TSPAN5: variants seen among roughly 807,000 people sequenced by gnomAD.
TSPAN5 encodes the protein tetraspanin-5.
A neutral mutation model predicts 37.1 loss-of-function variants in TSPAN5; 10 were observed. The observed-to-expected ratio is 0.27, with a 90% CI of 0.17 to 0.46. The LOEUF (loss-of-function observed/expected upper bound fraction) is 0.46. Among genes scored for constraint, TSPAN5 ranks in the 20% least tolerant of loss-of-function variants. The probability of loss-of-function intolerance (pLI) is 1.00; values close to 1 mark genes in which losing one functional copy is unlikely to be tolerated. For missense variants in TSPAN5, 195 were observed against 326.6 expected (o/e 0.60, Z 3.11); for synonymous variants, 110 against 118.9 (o/e 0.93, Z 0.48).
chr4:98,634,115 C>A (rs964456687), intron 1 of TSPAN5, among the ~76,000 whole-genome samples: 7 of 151,938 alleles, frequency 4.6e-5, no homozygotes, highest in South Asian at 2.1e-4. Flanking sequence ...AAAAAGTGAT[C>A]AATCACAATA....
chr4:98,598,464 C>T (rs142768386), intron 1 of TSPAN5, among the ~76,000 whole-genome samples: 7,919 of 149,020 alleles, frequency 0.053, 276 homozygotes, highest in Non-Finnish European at 0.078. Flanking sequence ...CTCCTCCCTC[C>T]TGTTTTTTTT....
chr4:98,569,418 C>T lies in TSPAN5; in HGVS notation c.82-61690G>A, dbSNP rs148766416. Among the ~76,000 whole-genome samples the T allele has an allele frequency of 2.2e-3, 339 of 152,262 alleles. 2 individuals carry two copies. Among genetic ancestry groups the T allele is most frequent in the Non-Finnish European group, 3.6e-3 (246 of 68,026 alleles). On this transcript the variant is annotated intron_variant, in intron 1 of 7. Transcript: ENST00000305798. ...AAGGATGTCCACTGGAACACACCGC[C>T]CTGCAGAACTCCTTGGGAAAACCCA...
At position 98,470,634 on chromosome 4, in the gene TSPAN5, T is replaced by C. The variant is rs954148537; in HGVS notation, c.*1888A>G. ...TCCATGTTGGAAGGACATTACAAAATGGCAACTGTGGTGGGGGCAGAGATG... is the reference window on the plus strand; with the variant it reads ...TCCATGTTGGAAGGACATTACAAAACGGCAACTGTGGTGGGGGCAGAGATG... On this transcript the variant is annotated 3_prime_UTR_variant, in exon 8 of 8. Coordinates refer to ENST00000305798, the MANE Select transcript of TSPAN5 (RefSeq NM_005723.4). 5 of 152,102 alleles carry C rather than the reference T, an allele frequency of 3.3e-5. No individual in the cohort carries two copies. The highest frequency in any genetic ancestry group is 1.3e-4 in the Admixed American group (2 of 15,272). 9.4% of individuals were successfully genotyped at this position (152,102 alleles called of 1,614,324 possible). A position where few individuals can be genotyped will look rare whatever the true frequency, so the allele number is the denominator to read the frequency against.
chr4:98,484,380 C>G (rs1752914793), intron 3 of TSPAN5: 1 of 451,234 alleles, frequency 2.2e-6, no homozygotes, highest in Admixed American at 2.4e-5. Context: ...TGGACGTTTA[C>G]TTACTACTTA....
intron 1 of TSPAN5, among the ~76,000 whole-genome samples, chr4:98,608,434 T>C (rs976492906): frequency 6.6e-6 from 1 of 151,896 alleles, no homozygotes; most frequent in Non-Finnish European, 1.5e-5. Flanking sequence ...TCCACTGGAG[T>C]CAATCACATG....
chr4:98,581,918 T>C (rs746954504), intron 1 of TSPAN5, among the ~76,000 whole-genome samples: 15 of 152,284 alleles, frequency 9.9e-5, no homozygotes, highest in Middle Eastern at 6.8e-3. Context: ...TTAAGCGTAC[T>C]CTTAAGAATG....
At chr4:98,636,974 T>C (rs922389120) in intron 1 of TSPAN5, among the ~76,000 whole-genome samples, 2 of 152,116 alleles carry the variant, frequency 1.3e-5, no homozygotes, top group African/African-American at 4.8e-5. Flanking sequence ...GTCTACAGGA[T>C]ACCAAAGCAC....
At chr4:98,532,102 C>T (rs1754107144) in intron 1 of TSPAN5, among the ~76,000 whole-genome samples, 1 of 152,134 alleles carries the variant, frequency 6.6e-6, no homozygotes, top group African/African-American at 2.4e-5. Flanking sequence ...GTTGCCATTG[C>T]TTTTAGTGTT....
intron 1 of TSPAN5, among the ~76,000 whole-genome samples, chr4:98,624,002 T>C (rs1020082040): frequency 3.9e-5 from 6 of 152,204 alleles, no homozygotes; most frequent in African/African-American, 9.6e-5. Flanking sequence ...TATAAATACC[T>C]TCTTTTGCTT....
intron 3 of TSPAN5, 79 bp downstream of exon 3, chr4:98,486,659 T>C: frequency 6.4e-7 from 1 of 1,551,658 alleles, no homozygotes; most frequent in Non-Finnish European, 8.9e-7. Flanking sequence ...GCTCACTGTC[T>C]TGCCTGTAGA....
intron 1 of TSPAN5, among the ~76,000 whole-genome samples, chr4:98,602,129 C>G (rs1045157218): frequency 6.6e-6 from 1 of 151,996 alleles, no homozygotes; most frequent in Non-Finnish European, 1.5e-5. Flanking sequence ...TATGGAATGT[C>G]GTGAGAATTA....
intron 1 of TSPAN5, among the ~76,000 whole-genome samples, chr4:98,519,674 T>C (rs568809178): frequency 6.6e-6 from 1 of 152,222 alleles, no homozygotes; most frequent in Non-Finnish European, 1.5e-5. Context: ...AAGTGGAGAA[T>C]ATTTGGAGAG....
At chr4:98,601,266 C>T (rs1180945685) in intron 1 of TSPAN5, among the ~76,000 whole-genome samples, 1 of 152,172 alleles carries the variant, frequency 6.6e-6, no homozygotes, top group Non-Finnish European at 1.5e-5. Flanking sequence ...AGGGAGTCAG[C>T]CTGTCATTTG....
chr4:98,520,101 A>G (rs2110115900), intron 1 of TSPAN5, among the ~76,000 whole-genome samples: 1 of 152,320 alleles, frequency 6.6e-6, no homozygotes, highest in South Asian at 2.1e-4. Flanking sequence ...GCATTGTCTT[A>G]GAGAGCATGA....
chr4:98,654,870 C>G (rs543369841), intron 1 of TSPAN5, among the ~76,000 whole-genome samples: 2 of 152,096 alleles, frequency 1.3e-5, no homozygotes, highest in Admixed American at 6.6e-5. Flanking sequence ...TTTTTTGAGA[C>G]GGAGTCTTGC....
intron 1 of TSPAN5, among the ~76,000 whole-genome samples, chr4:98,646,878 T>C (rs1175304657): frequency 3.3e-5 from 5 of 152,094 alleles, no homozygotes; most frequent in Admixed American, 2.6e-4. Flanking sequence ...TTCCAAGCAG[T>C]TTACACATAT....
intron 1 of TSPAN5, among the ~76,000 whole-genome samples, chr4:98,546,709 G>GA: frequency 6.6e-6 from 1 of 152,192 alleles, no homozygotes; most frequent in South Asian, 2.1e-4. Flanking sequence ...GAGAGAGAGA[G>GA]AAGTGAAAAC....
At chr4:98,516,972 G>A (rs1753745027) in intron 1 of TSPAN5, among the ~76,000 whole-genome samples, 2 of 152,174 alleles carry the variant, frequency 1.3e-5, no homozygotes, top group South Asian at 4.1e-4. Context: ...GCAGAACCAT[G>A]AGCTAAGTAA....
chr4:98,618,505 G>A (rs1012014967), intron 1 of TSPAN5, among the ~76,000 whole-genome samples: 24 of 152,150 alleles, frequency 1.6e-4, no homozygotes, highest in African/African-American at 5.3e-4. Flanking sequence ...GCTTCACTAC[G>A]TGGCAAACTG....
Sources: allele counts gnomAD v4.1 joint callset (sites outside exome capture counted in the v4.1 genomes callset), GRCh38; gene constraint gnomAD v4.1.1; transcripts MANE v1.5; gene names NCBI Gene and HGNC (gene_info 2026-07-23, HGNC 2026-07-21).